The following AGPAT4 variants were observed in gnomAD, a reference collection of about 807,000 sequenced individuals.
AGPAT4 encodes 1-acylglycerol-3-phosphate O-acyltransferase 4.
In AGPAT4, 15 loss-of-function variants were observed where a neutral mutation model predicts 48.0. The observed-to-expected ratio is 0.31, with a 90% CI of 0.21 to 0.48. The LOEUF (loss-of-function observed/expected upper bound fraction) is 0.48, where lower values mean the gene tolerates loss of function less well. Ranked by LOEUF, AGPAT4 falls within the 20% of genes least tolerant of loss-of-function variation. The pLI is 0.99. For synonymous variants in AGPAT4, 178 were observed against 198.7 expected (o/e 0.90, Z 0.88); for missense variants, 314 against 482.5 (o/e 0.65, Z 3.27).
At position 161,154,217 on chromosome 6, in the gene AGPAT4, A is replaced by C; in HGVS notation, c.442T>G (p.Trp148Gly). ...FTEMVFCSRK[W>G]EQDRKTVATS... ...GCAACCGTCTTGCGATCCTGCTCCC[A>C]CTTGCGCGAACAGAAGACCATCTCG... The change falls in exon 4 of 9, where the codon TGG (tryptophan) becomes GGG (glycine). Residue 148 changes from tryptophan to glycine, a missense_variant. Transcript: ENST00000320285. The surrounding 1 kb of genome is among the most constrained non-coding windows in gnomAD (Gnocchi z 7.8). 6.2e-7 allele frequency: 1 copy of C among 1,613,908 alleles called. No homozygotes were observed. The highest frequency in any genetic ancestry group is 8.5e-7 in the Non-Finnish European group (1 of 1,179,994).
chr6:161,207,619 G>A (rs548602184), intron 2 of AGPAT4, among the ~76,000 whole-genome samples: 108 of 152,316 alleles, frequency 7.1e-4, no homozygotes, highest in African/African-American at 2.1e-3. Flanking sequence ...GGGGACCTGC[G>A]GAGGCGGAGA....
chr6:161,142,998 AC>A lies in AGPAT4; in HGVS notation c.844-3379del, dbSNP rs1227097230. Among the ~76,000 whole-genome samples, 2 of 152,104 alleles carry A rather than the reference AC, an allele frequency of 1.3e-5. No individual in the cohort carries two copies. Among genetic ancestry groups the A allele is most frequent in the Non-Finnish European group, 2.9e-5 (2 of 68,022 alleles). ...GTTTCCCACGGGCCACCATGCCTGCACCCTGAACTCTGCACCCCACCCAGAG... is the reference window on the plus strand; with the variant it reads ...GTTTCCCACGGGCCACCATGCCTGCACCTGAACTCTGCACCCCACCCAGAG... On this transcript the variant is annotated intron_variant, in intron 7 of 8. Coordinates refer to ENST00000320285, the MANE Select transcript of AGPAT4 (RefSeq NM_020133.3). The surrounding 1 kb of genome is among the most constrained non-coding windows in gnomAD (Gnocchi z 6.4).
At chr6:161,253,997 A>C (rs902443912) in intron 1 of AGPAT4, among the ~76,000 whole-genome samples, 14 of 152,190 alleles carry the variant, frequency 9.2e-5, no homozygotes, top group African/African-American at 3.4e-4. Context: ...TGATTTTACT[A>C]TATATTAACA....
chr6:161,139,334 C>T lies in AGPAT4; in HGVS notation c.1042+88G>A. ...TGCTCCTCATCCACGGCACAACTGCCTATACAGATGGCCTTCGTCCCAGCC... is the reference window on the plus strand; with the variant it reads ...TGCTCCTCATCCACGGCACAACTGCTTATACAGATGGCCTTCGTCCCAGCC... On this transcript the variant is annotated intron_variant, in intron 8 of 8. Coordinates refer to ENST00000320285, the MANE Select transcript of AGPAT4 (RefSeq NM_020133.3). This position sits in a 1 kb window ranked among gnomAD's most constrained non-coding sequence, Gnocchi z 9.1. 7.0e-7 allele frequency: 1 copy of T among 1,429,912 alleles called. No homozygotes were observed. Among genetic ancestry groups the T allele is most frequent in the African/African-American group, 1.4e-5 (1 of 71,002 alleles). 88.6% of individuals were successfully genotyped at this position (1,429,912 alleles called of 1,614,324 possible). A position where few individuals can be genotyped will look rare whatever the true frequency, so the allele number is the denominator to read the frequency against.
chr6:161,143,216 G>A lies in AGPAT4; in HGVS notation c.843+3308C>T, dbSNP rs538984769. Among the ~76,000 whole-genome samples, 1 of 152,294 alleles carries A rather than the reference G, an allele frequency of 6.6e-6. No individual in the cohort carries two copies. The highest frequency in any genetic ancestry group is 6.5e-5 in the Admixed American group (1 of 15,296). On this transcript the variant is annotated intron_variant, in intron 7 of 8. Coordinates refer to ENST00000320285, the MANE Select transcript of AGPAT4 (RefSeq NM_020133.3). The surrounding 1 kb of genome is among the most constrained non-coding windows in gnomAD (Gnocchi z 4.7). ...GCTTCCCCAGTAGCTGGGACTACAG[G>A]TGTGTACCGCTAGGTGCAGCTAGTT...
At chr6:161,194,516 A>G (rs1415624441) in intron 2 of AGPAT4, among the ~76,000 whole-genome samples, 3 of 149,902 alleles carry the variant, frequency 2.0e-5, no homozygotes, top group Non-Finnish European at 4.5e-5. Context: ...ATGTAAGTAT[A>G]TGTGTGTGTC....
rs907996360 is a variant in AGPAT4 at position 161,220,929 on chromosome 6, G to A, written c.178+11107C>T. Among the ~76,000 whole-genome samples, 10 of 151,948 alleles carry A rather than the reference G, an allele frequency of 6.6e-5. No individual in the cohort carries two copies. The highest frequency in any genetic ancestry group is 1.9e-4 in the East Asian group (1 of 5,174). On this transcript the variant is annotated intron_variant, in intron 2 of 8. Transcript: ENST00000320285. This position sits in a 1 kb window ranked among gnomAD's most constrained non-coding sequence, Gnocchi z 6.0. ...CTCCCGAGTAGCTGGGATTACAGGC[G>A]CGTGCCACCACACCTGGCTAATTTT... is the stretch of plus-strand genomic sequence containing the variant.
intron 2 of AGPAT4, among the ~76,000 whole-genome samples, chr6:161,211,963 T>C (rs1483399175): frequency 6.6e-6 from 1 of 151,968 alleles, no homozygotes; most frequent in Non-Finnish European, 1.5e-5. Context: ...GTGGAAGAGG[T>C]GGGTGCATGA....
At chr6:161,174,707 GCATCCCT>G (rs1201846595) in intron 2 of AGPAT4, among the ~76,000 whole-genome samples, 7 of 152,258 alleles carry the variant, frequency 4.6e-5, no homozygotes, top group African/African-American at 1.7e-4. Context: ...GTGAGAGAGG[GCATCCCT>G]GTCTTGTGCC....
At position 161,228,371 on chromosome 6, in the gene AGPAT4, C is replaced by A. The variant is rs557965469; in HGVS notation, c.178+3665G>T. 3.7e-4 allele frequency among the ~76,000 whole-genome samples: 56 copies of A among 152,262 alleles called. 1 individual carries two copies. The highest frequency in any genetic ancestry group is 3.4e-3 in the Middle Eastern group (1 of 294). Reference sequence around the variant, plus strand: ...GGAAGATGTGTAGCTGTGCATCCAACAGCCGTTTAAAACCATAAGCATCAC... The same window carrying A: ...GGAAGATGTGTAGCTGTGCATCCAAAAGCCGTTTAAAACCATAAGCATCAC... On this transcript the variant is annotated intron_variant, in intron 2 of 8. Transcript: ENST00000320285.
Position 161,147,807 on chromosome 6 carries a change from C to T in AGPAT4, c.768-1208G>A, listed in dbSNP as rs922293707. Among the ~76,000 whole-genome samples the T allele has an allele frequency of 3.3e-5, 5 of 152,122 alleles. No individual in the cohort carries two copies. Among genetic ancestry groups the T allele is most frequent in the Admixed American group, 1.3e-4 (2 of 15,270 alleles). On this transcript the variant is annotated intron_variant, in intron 6 of 8. Coordinates refer to ENST00000320285, the MANE Select transcript of AGPAT4 (RefSeq NM_020133.3). The surrounding 1 kb of genome is among the most constrained non-coding windows in gnomAD (Gnocchi z 4.8). Reference sequence around the variant, plus strand: ...AGAGTAGGAATGTAGTGAGTTTTGCCCTTTTCAGCAACTTGACATTATCGC... The same window carrying T: ...AGAGTAGGAATGTAGTGAGTTTTGCTCTTTTCAGCAACTTGACATTATCGC...
chr6:161,162,603 T>A (rs1779968775), intron 3 of AGPAT4, among the ~76,000 whole-genome samples: 1 of 152,158 alleles, frequency 6.6e-6, no homozygotes. Flanking sequence ...CCTGACCACA[T>A]AGGCAGGGGA....
At chr6:161,194,748 T>C (rs1781026748) in intron 2 of AGPAT4, among the ~76,000 whole-genome samples, 1 of 152,186 alleles carries the variant, frequency 6.6e-6, no homozygotes, top group African/African-American at 2.4e-5. Flanking sequence ...TATTTGCATG[T>C]CCTTGCATGT....
rs1779720152 is a variant in AGPAT4, at chr6:161,154,769, A to G, written c.349-459T>C. Among the ~76,000 whole-genome samples, 1 of 152,246 alleles carries G rather than the reference A, an allele frequency of 6.6e-6. No homozygotes were observed. Reference sequence around the variant, plus strand: ...AAAATATAGTAATTCTTGATCGCTGAAAATGTCAAACGCTAGAAAATGTAG... The same window carrying G: ...AAAATATAGTAATTCTTGATCGCTGGAAATGTCAAACGCTAGAAAATGTAG... On this transcript the variant is annotated intron_variant, in intron 3 of 8. Coordinates refer to ENST00000320285, the MANE Select transcript of AGPAT4 (RefSeq NM_020133.3). The surrounding 1 kb of genome is among the most constrained non-coding windows in gnomAD (Gnocchi z 7.8).
In AGPAT4 at chr6:161,166,215, T is replaced by C; in HGVS notation, c.348+33A>G. The stretch of plus-strand genomic sequence containing the variant: ...GTGGTGGGGCTGAACCAGAGAAATG[T>C]GTGAGGCAGGGGGGAATGCACTTCT... On this transcript the variant is annotated intron_variant, in intron 3 of 8. Transcript: ENST00000320285. The surrounding 1 kb of genome is among the most constrained non-coding windows in gnomAD (Gnocchi z 6.7). 1 of 1,608,096 alleles carries C rather than the reference T, an allele frequency of 6.2e-7. No individual in the cohort carries two copies. Among genetic ancestry groups the C allele is most frequent in the Non-Finnish European group, 8.5e-7 (1 of 1,176,686 alleles).
rs1357719999 is a variant in AGPAT4, at chr6:161,238,768, T to G, written c.-89-6466A>C. Among the ~76,000 whole-genome samples the G allele has an allele frequency of 6.6e-6, 1 of 152,158 alleles. No homozygotes were observed. The highest frequency in any genetic ancestry group is 2.4e-5 in the African/African-American group (1 of 41,432). ...AACTGAATCATGGGAGTGGTTACCCTGATGCTGTTCTTGTGATCGTGAGTT... is the reference window on the plus strand; with the variant it reads ...AACTGAATCATGGGAGTGGTTACCCGGATGCTGTTCTTGTGATCGTGAGTT... On this transcript the variant is annotated intron_variant, in intron 1 of 8. Transcript: ENST00000320285. The surrounding 1 kb of genome is among the most constrained non-coding windows in gnomAD (Gnocchi z 5.2).
chr6:161,141,770 A>T lies in AGPAT4; in HGVS notation c.844-2150T>A, dbSNP rs1285516537. On this transcript the variant is annotated intron_variant, in intron 7 of 8. Transcript: ENST00000320285. This position sits in a 1 kb window ranked among gnomAD's most constrained non-coding sequence, Gnocchi z 6.7. ...TTTTCTGTCTTGTTTCCAGAAAGACATTTGCTAGGCCAAGATTGTTTTATT... is the reference window on the plus strand; with the variant it reads ...TTTTCTGTCTTGTTTCCAGAAAGACTTTTGCTAGGCCAAGATTGTTTTATT... Among the ~76,000 whole-genome samples the T allele has an allele frequency of 2.0e-5, 3 of 152,176 alleles. No individual in the cohort carries two copies. The highest frequency in any genetic ancestry group is 2.9e-5 in the Non-Finnish European group (2 of 68,026).
rs778972924 is a variant in AGPAT4, at chr6:161,270,828, C to G, written c.-90+3110G>C. The stretch of plus-strand genomic sequence containing the variant: ...GCGGCTTTGTCCCATAACCATCAGA[C>G]CTCCTTTCCAGAATAAAGGAGACTG... On this transcript the variant is annotated intron_variant, in intron 1 of 8. Coordinates refer to ENST00000320285, the MANE Select transcript of AGPAT4 (RefSeq NM_020133.3). The surrounding 1 kb of genome is among the most constrained non-coding windows in gnomAD (Gnocchi z 5.3). Among the ~76,000 whole-genome samples the G allele has an allele frequency of 3.9e-5, 6 of 152,070 alleles. No homozygotes were observed. Among genetic ancestry groups the G allele is most frequent in the Admixed American group, 1.3e-4 (2 of 15,262 alleles).
In AGPAT4 at chr6:161,171,035, A is replaced by AG. The variant is rs1780254742; in HGVS notation, c.179-4619_179-4618insC. ...ATTTAGAACCTCCAATTTAACTCAGAAAGTTACCAGTGGGCACCTGAGCAA... is the reference window on the plus strand; with the variant it reads ...ATTTAGAACCTCCAATTTAACTCAGAGAAGTTACCAGTGGGCACCTGAGCAA... On this transcript the variant is annotated intron_variant, in intron 2 of 8. Coordinates refer to ENST00000320285, the MANE Select transcript of AGPAT4 (RefSeq NM_020133.3). This position sits in a 1 kb window ranked among gnomAD's most constrained non-coding sequence, Gnocchi z 4.4. Among the ~76,000 whole-genome samples the AG allele has an allele frequency of 6.6e-6, 1 of 152,204 alleles. No individual in the cohort carries two copies. The highest frequency in any genetic ancestry group is 1.5e-5 in the Non-Finnish European group (1 of 68,040).
Sources: gnomAD v4.1 joint callset for allele counts (sites outside exome capture counted in the v4.1 genomes callset) on GRCh38, gnomAD v4.1.1 for gene constraint, Gnocchi (gnomAD v3.1) non-coding constraint, MANE v1.5 for transcripts, NCBI Gene and HGNC (gene_info 2026-07-23, HGNC 2026-07-21) for gene names.